Variants in ZNF527 observed in about 807,000 individuals in gnomAD.
ZNF527 encodes the protein zinc finger protein 527.
A neutral mutation model predicts 13.5 loss-of-function variants in ZNF527; 5 were observed. The ratio of observed to expected loss-of-function variants is 0.37; its 90% CI spans 0.19 to 0.78. The LOEUF (loss-of-function observed/expected upper bound fraction) is 0.78, where lower values mean the gene tolerates loss of function less well. ZNF527 is among the 30% of genes least tolerant of loss of function. The probability of loss-of-function intolerance (pLI) is 0.48; values close to 1 mark genes in which losing one functional copy is unlikely to be tolerated. For missense variants in ZNF527, 628 were observed against 726.4 expected, an observed-to-expected ratio of 0.86 and a Z score of 1.56; for synonymous variants, 209 against 243.1, an observed-to-expected ratio of 0.86 and a Z score of 1.30.
chr19:37,379,460 C>CTT (rs34967980), intron 3 of ZNF527: 5,529 of 160,758 alleles, frequency 0.034, 148 homozygotes, highest in Non-Finnish European at 0.046. Context: ...GAAGTAATTT[C>CTT]TTTTTTTTTT....
In ZNF527 at chr19:37,390,014, T is replaced by C. The variant is rs2040739286; in HGVS notation, c.*135T>C. ...ATGAGTATCCGTTATTTGAAGTAGC[T>C]CAGTAGTAGACATCTGTTACTTTTT... On this transcript the variant is annotated 3_prime_UTR_variant, in exon 5 of 5. Coordinates refer to ENST00000436120, the MANE Select transcript of ZNF527 (RefSeq NM_032453.2). The C allele has an allele frequency of 2.6e-6, 3 of 1,151,624 alleles. No individual in the cohort carries two copies. Among genetic ancestry groups the C allele is most frequent in the Non-Finnish European group, 3.6e-6 (3 of 832,902 alleles). 71.3% of individuals were successfully genotyped at this position (1,151,624 alleles called of 1,614,324 possible).
In ZNF527 at chr19:37,380,319, A is replaced by G; in HGVS notation, c.203A>G (p.Gln68Arg). Reference sequence around the variant, plus strand: ...CCCAACATGATCTCCTTACTGGAGCAAGGGAAGGAACCGTGGATGGTGGAG... The same window carrying G: ...CCCAACATGATCTCCTTACTGGAGCGAGGGAAGGAACCGTGGATGGTGGAG... ...SKPNMISLLE[Q>R]GKEPWMVERK... is the part of the protein sequence containing the mutation. Residue 68 changes from glutamine (Q) to arginine (R), a missense_variant, in exon 4 of 5, where the codon CAA becomes CGA. This residue lies in a region of ZNF527 where 592 missense variants were observed against 678.0 expected (regional missense o/e 0.87). Transcript: ENST00000436120. 6.2e-7 allele frequency: 1 copy of G among 1,614,116 alleles called. No homozygotes were observed. Among genetic ancestry groups the G allele is most frequent in the Non-Finnish European group, 8.5e-7 (1 of 1,179,992 alleles).
rs773227772 is a variant in ZNF527, at chr19:37,379,236, G to C, written c.150G>C (p.Leu50Phe). Residue 50 changes from leucine to phenylalanine, a missense_variant, in exon 3 of 5, where the codon TTG (leucine) becomes TTC (phenylalanine). Leu to Phe is a conservative substitution (Grantham distance 22). This residue lies in a region of ZNF527 where 592 missense variants were observed against 678.0 expected (regional missense o/e 0.87). Coordinates refer to ENST00000436120, the MANE Select transcript of ZNF527 (RefSeq NM_032453.2). ...TCATGTTGGAGAACTACAGGAACTT[G>C]GTATGGCTTGGTAAGGATGTTTCTC... ...RDVMLENYRN[L>F]VWLGLSISKP... 23 of 1,596,098 alleles carry C rather than the reference G, an allele frequency of 1.4e-5. No individual in the cohort carries two copies. The highest frequency in any genetic ancestry group is 1.9e-5 in the Non-Finnish European group (22 of 1,173,746).
intron 4 of ZNF527, among the ~76,000 whole-genome samples, chr19:37,380,889 T>C (rs564766848): frequency 8.5e-5 from 13 of 152,182 alleles, no homozygotes; most frequent in Non-Finnish European, 1.3e-4. Context: ...TGGTGTTCCC[T>C]TCATGTCTCC....
In ZNF527 at chr19:37,389,733, G is replaced by A. The variant is rs754462562; in HGVS notation, c.1684G>A (p.Ala562Thr). Residue 562 changes from alanine (A) to threonine (T), a missense_variant, in exon 5 of 5, where the codon GCT (alanine) becomes ACT (threonine). Transcript: ENST00000436120. ...CTATGAATGTAGTGAATGTGGGAAG[G>A]CTTTTCATCAGATCTTGTCCCTAAG... is the stretch of plus-strand genomic sequence containing the variant. ...KPYECSECGK[A>T]FHQILSLRLH... 3.7e-6 allele frequency: 6 copies of A among 1,613,934 alleles called. No individual in the cohort carries two copies. The South Asian group carries it at 6.6e-5, about 18-fold the overall frequency.
intron 3 of ZNF527, chr19:37,379,460 CTTT>C (rs34967980): frequency 4.9e-3 from 787 of 160,572 alleles, no homozygotes; most frequent in Middle Eastern, 0.013. Context: ...GAAGTAATTT[CTTT>C]TTTTTTTTTT....
chr19:37,385,176 G>T, intron 4 of ZNF527: 2 of 447,026 alleles, frequency 4.5e-6, no homozygotes, highest in Admixed American at 3.8e-5. Flanking sequence ...TAAATTCTGG[G>T]CATTATTCAT....
chr19:37,386,591 C>T (rs2040701681), intron 4 of ZNF527, among the ~76,000 whole-genome samples: 1 of 152,092 alleles, frequency 6.6e-6, no homozygotes, highest in Admixed American at 6.6e-5. Flanking sequence ...ATTTAAATTG[C>T]TGCTTATACT....
intron 4 of ZNF527, among the ~76,000 whole-genome samples, chr19:37,380,867 T>C (rs1229965065): frequency 6.6e-6 from 1 of 152,208 alleles, no homozygotes; most frequent in African/African-American, 2.4e-5. Flanking sequence ...TCTTTTCTTT[T>C]GTAGTTTATT....
chr19:37,372,118 G>T (rs192090277), intron 1 of ZNF527, among the ~76,000 whole-genome samples: 1 of 151,540 alleles, frequency 6.6e-6, no homozygotes, highest in East Asian at 2.0e-4. Flanking sequence ...TCCTGCCTCA[G>T]CCTCCCAAGT....
chr19:37,381,682 T>C (rs2040655173), intron 4 of ZNF527, among the ~76,000 whole-genome samples: 1 of 152,238 alleles, frequency 6.6e-6, no homozygotes, highest in African/African-American at 2.4e-5. Context: ...CAGTTTCTTC[T>C]GTAATTTTTG....
Position 37,388,529 on chromosome 19 carries a change from A to G in ZNF527, c.480A>G (p.Lys160=), listed in dbSNP as rs1456007557. ...CTGTTAAGGAAATCTCTACTGGGAA[A>G]AGAGACAATGAATTTAGTAATTCTG... The part of the protein sequence containing the change: ...VTAVKEISTG[K]RDNEFSNSGR... The change falls in exon 5 of 5, where the codon AAA becomes AAG. Residue 160 remains lysine, a synonymous_variant. Coordinates refer to ENST00000436120, the MANE Select transcript of ZNF527 (RefSeq NM_032453.2). 7 of 1,614,066 alleles carry G rather than the reference A, an allele frequency of 4.3e-6. No individual in the cohort carries two copies.
At chr19:37,388,092 T>C (rs999311200) in intron 4 of ZNF527, among the ~76,000 whole-genome samples, 1 of 152,320 alleles carries the variant, frequency 6.6e-6, no homozygotes, top group Non-Finnish European at 1.5e-5. Context: ...CACCTCCCTA[T>C]CGTCAACACA....
chr19:37,386,140 C>CTTTTTTTTTTTTTTTTTTTTTTT lies in ZNF527; in HGVS notation c.257-2144_257-2143insTTTTTTTTTTTTTTTTTTTTTTT, dbSNP rs1050024983. Among the ~76,000 whole-genome samples, 3 of 72,456 alleles carry CTTTTTTTTTTTTTTTTTTTTTTT rather than the reference C, an allele frequency of 4.1e-5. 1 individual carries two copies. Among genetic ancestry groups the CTTTTTTTTTTTTTTTTTTTTTTT allele is most frequent in the African/African-American group, 1.3e-4 (2 of 14,846 alleles). 47.5% of individuals were successfully genotyped at this position (72,456 alleles called of 152,430 possible). A position where few individuals can be genotyped will look rare whatever the true frequency, so the allele number is the denominator to read the frequency against. On this transcript the variant is annotated intron_variant, in intron 4 of 4. Transcript: ENST00000436120. ...TAGAACTTTCTTTTCTCTTCTTTTC[C>CTTTTTTTTTTTTTTTTTTTTTTT]TTTTTTTTTTTTTTTTTTTTTTGAG...
At chr19:37,383,532 C>A (rs1192903424) in intron 4 of ZNF527, among the ~76,000 whole-genome samples, 2 of 150,752 alleles carry the variant, frequency 1.3e-5, no homozygotes, top group Non-Finnish European at 2.9e-5. Flanking sequence ...GCTACCACAC[C>A]CAGCTGATTT....
At chr19:37,384,492 G>A (rs1376209715) in intron 4 of ZNF527, among the ~76,000 whole-genome samples, 1 of 151,428 alleles carries the variant, frequency 6.6e-6, no homozygotes, top group African/African-American at 2.4e-5. Flanking sequence ...GACAGAGCAA[G>A]ACCCTGTCTC....
At chr19:37,387,475 G>A (rs1353112831) in intron 4 of ZNF527, among the ~76,000 whole-genome samples, 1 of 152,208 alleles carries the variant, frequency 6.6e-6, no homozygotes, top group Admixed American at 6.5e-5. Flanking sequence ...GAAAGACCTT[G>A]TGTCAGGCTT....
At chr19:37,384,375 A>T (rs2040680582) in intron 4 of ZNF527, among the ~76,000 whole-genome samples, 1 of 152,094 alleles carries the variant, frequency 6.6e-6, no homozygotes, top group South Asian at 2.1e-4. Flanking sequence ...CTGTGCACTT[A>T]TTATTCCAAC....
intron 4 of ZNF527, among the ~76,000 whole-genome samples, chr19:37,382,766 G>A (rs560843706): frequency 1.3e-5 from 2 of 152,254 alleles, no homozygotes; most frequent in South Asian, 4.2e-4. Context: ...GGAGTGCAGT[G>A]GGCAATCTCG....
Sources: gnomAD v4.1 joint callset for allele counts (sites outside exome capture counted in the v4.1 genomes callset) on GRCh38, gnomAD v4.1.1 for gene constraint, gnomAD v4.1.1 regional missense constraint, MANE v1.5 for transcripts, NCBI Gene and HGNC (gene_info 2026-07-23, HGNC 2026-07-21) for gene names.